CNTN5: variants seen among roughly 807,000 people sequenced by gnomAD.
The protein encoded by CNTN5 is contactin 5.
CNTN5 carries 77 observed loss-of-function variants against 129.1 expected under a neutral mutation model. The observed-to-expected ratio is 0.60, with a 90% CI of 0.50 to 0.72. The LOEUF is 0.72. CNTN5 is among the 30% of genes least tolerant of loss of function. The pLI is 0.00. For synonymous variants in CNTN5, 509 were observed against 465.6 expected (o/e 1.09, Z -1.20); for missense variants, 1,478 against 1,328.8 (o/e 1.11, Z -1.75).
rs138962319 is a variant in CNTN5, at chr11:99,226,483, T to C, written c.-209-98863T>C. Among the ~76,000 whole-genome samples the C allele has an allele frequency of 2.0e-5, 3 of 152,328 alleles. No homozygotes were observed. The East Asian group carries it at 5.8e-4, about 29-fold the overall frequency. ...CCTTGCGCTTCGTATCTTCTGGCTC[T>C]GTACCTGACCTCATTTGTACTGTCT... On this transcript the variant is annotated intron_variant, in intron 1 of 24. Transcript: ENST00000524871.
At chr11:99,991,909 A>G (rs4994605) in intron 8 of CNTN5, among the ~76,000 whole-genome samples, 57,636 of 152,022 alleles carry the variant, frequency 0.38, 12,381 homozygotes, top group African/African-American at 0.59. Flanking sequence ...TCAGGTGTCC[A>G]TACCAAGTTA....
intron 3 of CNTN5, among the ~76,000 whole-genome samples, chr11:99,560,026 T>C (rs2135547879): frequency 6.6e-6 from 1 of 152,110 alleles, no homozygotes; most frequent in South Asian, 2.1e-4. Context: ...TATAAACAGA[T>C]CAGTGATTGC....
At chr11:99,043,845 A>ATTT (rs1453654662) in intron 1 of CNTN5, among the ~76,000 whole-genome samples, 1 of 152,188 alleles carries the variant, frequency 6.6e-6, no homozygotes, top group African/African-American at 2.4e-5. Flanking sequence ...TTGATTCAGA[A>ATTT]TGCCACCTGT....
chr11:99,146,522 C>A (rs1859792985), intron 1 of CNTN5, among the ~76,000 whole-genome samples: 1 of 151,960 alleles, frequency 6.6e-6, no homozygotes, highest in Non-Finnish European at 1.5e-5. Context: ...AAAATAAAGG[C>A]TATAATCACA....
intron 13 of CNTN5, among the ~76,000 whole-genome samples, chr11:100,156,024 G>C (rs1015717017): frequency 5.3e-5 from 8 of 152,028 alleles, no homozygotes; most frequent in African/African-American, 1.7e-4. Context: ...GCCCTGGAGA[G>C]AGCTTCCAAT....
intron 22 of CNTN5, 121 bp from the exon 23 acceptor site, chr11:100,340,972 G>A (rs1952145836): frequency 1.4e-6 from 1 of 733,210 alleles, no homozygotes; most frequent in Admixed American, 2.5e-5. Context: ...CCAGCTGGAA[G>A]GAAGCCTAGA....
intron 4 of CNTN5, among the ~76,000 whole-genome samples, chr11:99,828,129 T>C (rs1947026314): frequency 6.6e-6 from 1 of 152,110 alleles, no homozygotes; most frequent in African/African-American, 2.4e-5. Flanking sequence ...ATAATAGTTA[T>C]ATAGATCTTC....
At chr11:100,013,113 C>T (rs1382044775) in intron 9 of CNTN5, among the ~76,000 whole-genome samples, 1 of 152,160 alleles carries the variant, frequency 6.6e-6, no homozygotes, top group Non-Finnish European at 1.5e-5. Context: ...CATGTTCTCA[C>T]TTACAAATGG....
intron 3 of CNTN5, among the ~76,000 whole-genome samples, chr11:99,781,561 C>T (rs1476162822): frequency 6.6e-6 from 1 of 152,006 alleles, no homozygotes; most frequent in African/African-American, 2.4e-5. Flanking sequence ...AATATATGCA[C>T]ATGCTTACCC....
intron 9 of CNTN5, among the ~76,000 whole-genome samples, chr11:100,043,698 C>A (rs1443178577): frequency 1.3e-5 from 2 of 151,976 alleles, no homozygotes; most frequent in Non-Finnish European, 2.9e-5. Context: ...GCAAAAATTG[C>A]CTTCATCCTT....
intron 3 of CNTN5, among the ~76,000 whole-genome samples, chr11:99,696,503 T>A (rs1954275700): frequency 6.6e-6 from 1 of 152,018 alleles, no homozygotes; most frequent in Non-Finnish European, 1.5e-5. Flanking sequence ...TAAGGAACAG[T>A]CACTATCTGG....
intron 3 of CNTN5, among the ~76,000 whole-genome samples, chr11:99,811,745 C>T (rs544999570): frequency 2.4e-4 from 37 of 152,074 alleles, no homozygotes; most frequent in Non-Finnish European, 4.1e-4. Context: ...GCTGGAATTT[C>T]ATGGTGTGAG....
chr11:99,838,943 C>T (rs149762704), intron 4 of CNTN5, among the ~76,000 whole-genome samples: 1 of 152,140 alleles, frequency 6.6e-6, no homozygotes, highest in East Asian at 1.9e-4. Context: ...AAGCTCAACT[C>T]CTTGAAGGGA....
intron 1 of CNTN5, among the ~76,000 whole-genome samples, chr11:99,207,316 G>A (rs1859534288): frequency 6.6e-6 from 1 of 152,144 alleles, no homozygotes; most frequent in Non-Finnish European, 1.5e-5. Context: ...ACTAGAAACT[G>A]TACTGTGCTA....
intron 15 of CNTN5, among the ~76,000 whole-genome samples, chr11:100,198,241 G>T (rs1370234986): frequency 1.3e-5 from 2 of 151,884 alleles, no homozygotes; most frequent in Non-Finnish European, 2.9e-5. Flanking sequence ...AGAAAAATAT[G>T]ACCATAAAAA....
chr11:99,884,695 G>A (rs190756004), intron 6 of CNTN5, among the ~76,000 whole-genome samples: 2 of 152,188 alleles, frequency 1.3e-5, no homozygotes, highest in East Asian at 1.9e-4. Context: ...ACAGTAAGAA[G>A]GCTGGGCACG....
intron 6 of CNTN5, among the ~76,000 whole-genome samples, chr11:99,851,397 T>C (rs1415765735): frequency 6.6e-6 from 1 of 152,296 alleles, no homozygotes; most frequent in South Asian, 2.1e-4. Flanking sequence ...GAAGCTTATG[T>C]TTGTCATGAG....
chr11:99,097,891 T>C (rs185562103), intron 1 of CNTN5, among the ~76,000 whole-genome samples: 3 of 152,076 alleles, frequency 2.0e-5, no homozygotes, highest in Admixed American at 2.0e-4. Flanking sequence ...AGAAAAGTGG[T>C]GAGATAAGGA....
At chr11:99,416,376 G>C (rs932266188) in intron 2 of CNTN5, among the ~76,000 whole-genome samples, 1 of 151,904 alleles carries the variant, frequency 6.6e-6, no homozygotes, top group Non-Finnish European at 1.5e-5. Flanking sequence ...AAACTCCTGG[G>C]CTCAAGTAAT....
Sources: gnomAD v4.1 joint callset for allele counts (sites outside exome capture counted in the v4.1 genomes callset) on GRCh38, gnomAD v4.1.1 for gene constraint, MANE v1.5 for transcripts, NCBI Gene and HGNC (gene_info 2026-07-23, HGNC 2026-07-21) for gene names.